Variants in TLE1 observed in about 807,000 individuals in gnomAD.
TLE1 encodes transducin-like enhancer protein 1.
A neutral mutation model predicts 89.8 loss-of-function variants in TLE1; 21 were observed. The observed-to-expected ratio is 0.23, with a 90% CI of 0.17 to 0.34. The LOEUF (loss-of-function observed/expected upper bound fraction) is 0.34, where lower values mean the gene tolerates loss of function less well. Among genes scored for constraint, TLE1 ranks in the 10% least tolerant of loss-of-function variants. The probability of loss-of-function intolerance (pLI) is 1.00; values close to 1 mark genes in which losing one functional copy is unlikely to be tolerated. For synonymous variants in TLE1, 447 were observed against 407.6 expected, an observed-to-expected ratio of 1.10 and a Z score of -1.16; for missense variants, 795 against 1,031.2, an observed-to-expected ratio of 0.77 and a Z score of 3.14.
At chr9:81,660,978 C>CACACACAA (rs140689682) in intron 4 of TLE1, among the ~76,000 whole-genome samples, 2 of 121,758 alleles carry the variant, frequency 1.6e-5, no homozygotes, top group African/African-American at 3.0e-5. Flanking sequence ...CACACACACA[C>CACACACAA]ATTTAGCCTG....
intron 6 of TLE1, 102 bp from the exon 7 acceptor site, chr9:81,634,403 G>T: frequency 2.1e-6 from 2 of 964,784 alleles, no homozygotes; most frequent in Non-Finnish European, 2.9e-6. Flanking sequence ...AGACATGACA[G>T]GAGGGGAAGG....
chr9:81,669,255 G>C (rs1831897681), intron 4 of TLE1, among the ~76,000 whole-genome samples: 1 of 152,214 alleles, frequency 6.6e-6, no homozygotes, highest in Non-Finnish European at 1.5e-5. Context: ...CGAAGGCTGT[G>C]AGAACGCTGC....
intron 4 of TLE1, among the ~76,000 whole-genome samples, chr9:81,662,743 T>C (rs1461922044): frequency 6.6e-6 from 1 of 151,996 alleles, no homozygotes; most frequent in African/African-American, 2.4e-5. Flanking sequence ...TAAATTGATA[T>C]CCAAAATTAA....
chr9:81,600,933 C>T (rs1830832818), intron 14 of TLE1, among the ~76,000 whole-genome samples: 1 of 152,180 alleles, frequency 6.6e-6, no homozygotes, highest in East Asian at 1.9e-4. Flanking sequence ...TACTGGTTCT[C>T]AGGCCTCAGC....
chr9:81,636,940 T>C (rs923300669), intron 6 of TLE1, among the ~76,000 whole-genome samples: 25 of 150,038 alleles, frequency 1.7e-4, no homozygotes, highest in African/African-American at 5.4e-4. Context: ...GTGGCAGAGG[T>C]TGCAGTCAGC....
At chr9:81,591,824 A>T (rs975927200) in intron 15 of TLE1, among the ~76,000 whole-genome samples, 1 of 152,164 alleles carries the variant, frequency 6.6e-6, no homozygotes, top group Non-Finnish European at 1.5e-5. Context: ...TGGTTTTTTT[A>T]AAAAATGCAC....
rs3045544 is a variant in TLE1 at position 81,652,106 on chromosome 9, T to TACACACACACACACACACACAC, written c.372+86_372+107dup. Reference sequence around the variant, plus strand: ...CTTATCAAATAGGTCAACGTTAAGATACACACACACACACACACACACACA... The same window carrying TACACACACACACACACACACAC: ...CTTATCAAATAGGTCAACGTTAAGATACACACACACACACACACACACACACACACACACACACACACACACA... On this transcript the variant is annotated intron_variant, in intron 6 of 19. Transcript: ENST00000376499. The TACACACACACACACACACACAC allele has an allele frequency of 1.6e-5, 11 of 696,464 alleles. No individual in the cohort carries two copies. The African/African-American group carries it at 1.8e-4, about 11-fold the overall frequency. The allele number at this position is 696,464 out of a possible 1,614,324, so 43.1% of individuals were successfully genotyped here. A position where few individuals can be genotyped will look rare whatever the true frequency, so the allele number is the denominator to read the frequency against.
chr9:81,680,347 C>T (rs1241641540), intron 4 of TLE1, among the ~76,000 whole-genome samples: 1 of 152,192 alleles, frequency 6.6e-6, no homozygotes, highest in Non-Finnish European at 1.5e-5. Flanking sequence ...AAGGGAGGTG[C>T]TGTGGCCCTG....
chr9:81,639,611 CTCGCTCTG>C (rs996737159), intron 6 of TLE1, among the ~76,000 whole-genome samples: 1 of 119,902 alleles, frequency 8.3e-6, no homozygotes, highest in Non-Finnish European at 1.6e-5. Flanking sequence ...TTGAGACAGT[CTCGCTCTG>C]TCGCCCAGGC....
exon 1 of TLE1, among the ~76,000 whole-genome samples, chr9:81,689,542 TACATTA>T (rs1564098004): frequency 6.6e-6 from 1 of 151,964 alleles, no homozygotes; most frequent in Non-Finnish European, 1.5e-5. Flanking sequence ...TCGCGCCGCT[TACATTA>T]ACACGCGGTT....
chr9:81,593,975 T>C (rs559050968), intron 14 of TLE1, among the ~76,000 whole-genome samples: 1 of 152,188 alleles, frequency 6.6e-6, no homozygotes, highest in Non-Finnish European at 1.5e-5. Context: ...AGCCTGCCTA[T>C]GTTCTGACCA....
chr9:81,688,145 G>T, intron 1 of TLE1, 72 bp downstream of exon 1: 1 of 1,576,506 alleles, frequency 6.3e-7, no homozygotes, highest in Non-Finnish European at 8.7e-7. Context: ...GAAGCCACCA[G>T]TCTCCCTACC....
At chr9:81,666,602 C>A (rs1309049330) in intron 4 of TLE1, among the ~76,000 whole-genome samples, 2 of 151,350 alleles carry the variant, frequency 1.3e-5, no homozygotes, top group Admixed American at 6.6e-5. Flanking sequence ...TGACGAAACG[C>A]AGTCTCTACT....
chr9:81,675,195 GTTAAT>G (rs1205520874), intron 4 of TLE1, among the ~76,000 whole-genome samples: 5 of 152,092 alleles, frequency 3.3e-5, no homozygotes, highest in Non-Finnish European at 7.4e-5. Flanking sequence ...ATTACAAAAT[GTTAAT>G]TTATAGACTC....
intron 14 of TLE1, among the ~76,000 whole-genome samples, chr9:81,605,135 T>C (rs1831463907): frequency 6.6e-6 from 1 of 152,180 alleles, no homozygotes; most frequent in South Asian, 2.1e-4. Context: ...CAAGCATTCT[T>C]TCCGTGGGTA....
chr9:81,615,885 A>T (rs1364019280), intron 11 of TLE1, 97 bp downstream of exon 11: 3 of 1,478,034 alleles, frequency 2.0e-6, no homozygotes, highest in Non-Finnish European at 1.8e-6. Flanking sequence ...ACAACCCTCA[A>T]GCAGCAAAAC....
At chr9:81,667,186 G>A (rs1831577118) in intron 4 of TLE1, among the ~76,000 whole-genome samples, 1 of 151,280 alleles carries the variant, frequency 6.6e-6, no homozygotes, top group African/African-American at 2.4e-5. Flanking sequence ...GCCGAGGCAG[G>A]TGGATCACTT....
intron 8 of TLE1, among the ~76,000 whole-genome samples, chr9:81,629,216 A>G (rs11139349): frequency 0.21 from 31,501 of 152,136 alleles, 4,141 homozygotes; most frequent in Non-Finnish European, 0.28. Context: ...ATTTTTTTAA[A>G]CCATACAACT....
At position 81,619,310 on chromosome 9, in the gene TLE1, G is replaced by A. The variant is rs925103798; in HGVS notation, c.711+1131C>T. 2.0e-4 allele frequency among the ~76,000 whole-genome samples: 31 copies of A among 152,324 alleles called. 1 individual carries two copies. Among genetic ancestry groups the A allele is most frequent in the African/African-American group, 7.2e-4 (30 of 41,562 alleles). ...CATAGTGCAAAGTGTGAACCAATTT[G>A]AGGATCTCTGGTAAAATAATCCAAT... On this transcript the variant is annotated intron_variant, in intron 9 of 19. Coordinates refer to ENST00000376499, the MANE Select transcript of TLE1 (RefSeq NM_005077.5).
Sources: gnomAD v4.1 joint callset for allele counts (sites outside exome capture counted in the v4.1 genomes callset) on GRCh38, gnomAD v4.1.1 for gene constraint, MANE v1.5 for transcripts, NCBI Gene and HGNC (gene_info 2026-07-23, HGNC 2026-07-21) for gene names.